Variants in PZP observed in about 807,000 individuals in gnomAD.
PZP encodes PZP alpha-2-macroglobulin like.
PZP carries 150 observed loss-of-function variants against 179.8 expected under a neutral mutation model. That is an observed-to-expected ratio of 0.83 (90% CI 0.73 to 0.96). PZP has a LOEUF of 0.96. Among genes scored for constraint, PZP ranks in the 40% least tolerant of loss-of-function variants. The pLI is 0.00. For missense variants in PZP, 1,689 were observed against 1,764.0 expected, an observed-to-expected ratio of 0.96 and a Z score of 0.76; for synonymous variants, 624 against 652.3, an observed-to-expected ratio of 0.96 and a Z score of 0.66.
In PZP at chr12:9,163,776, G is replaced by A; in HGVS notation, c.2628C>T (p.Phe876=). 1 of 1,612,182 alleles carries A rather than the reference G, an allele frequency of 6.2e-7. No individual in the cohort carries two copies. The highest frequency in any genetic ancestry group is 1.7e-4 in the Middle Eastern group (1 of 6,048). Residue 876 remains phenylalanine (F), a synonymous_variant, in exon 21 of 36, where the codon TTC becomes TTT. Coordinates refer to ENST00000261336, the MANE Select transcript of PZP (RefSeq NM_002864.3). Reference sequence around the variant, plus strand: ...ACTGCATTGCCTCTGCACTCACTGAGAAGTTCACATTCCCTAAAACAAGGA... The same window carrying A: ...ACTGCATTGCCTCTGCACTCACTGAAAAGTTCACATTCCCTAAAACAAGGA... ...VTPKTLGNVN[F]SVSAEAMQSL...
At chr12:9,163,565 GA>G in intron 21 of PZP, 102 bp downstream of exon 21, 1 of 1,300,436 alleles carries the variant, frequency 7.7e-7, no homozygotes, top group Non-Finnish European at 1.1e-6. Context: ...AGTCTTACAG[GA>G]TGTATTGTGT....
At chr12:9,185,414 T>A (rs1044825817) in intron 13 of PZP, among the ~76,000 whole-genome samples, 5 of 152,198 alleles carry the variant, frequency 3.3e-5, no homozygotes, top group African/African-American at 1.2e-4. Context: ...ACAAAACCTC[T>A]GAGAAATCTG....
At chr12:9,166,426 T>G (rs1941590862) in intron 17 of PZP, among the ~76,000 whole-genome samples, 1 of 152,154 alleles carries the variant, frequency 6.6e-6, no homozygotes, top group Non-Finnish European at 1.5e-5. Context: ...CATAGCATAA[T>G]TTGATGTGAA....
chr12:9,160,248 A>C (rs1435735176), intron 24 of PZP, 66 bp downstream of exon 24: 3 of 1,414,882 alleles, frequency 2.1e-6, no homozygotes, highest in African/African-American at 1.4e-5. Context: ...TTGATGATAT[A>C]ACTGAAGCTT....
chr12:9,203,916 G>C lies in PZP; in HGVS notation c.119C>G (p.Thr40Ser), dbSNP rs773485458. The C allele has an allele frequency of 1.2e-6, 2 of 1,614,020 alleles. No individual in the cohort carries two copies. Residue 40 changes from threonine (T) to serine (S), a missense_variant, in exon 2 of 36, where the codon ACT becomes AGT. By Grantham distance (58) the Thr-to-Ser change is moderately conservative. Around this residue, in one of 3 missense-constraint regions of PZP, gnomAD observed 742 missense variants for 730.5 expected, o/e 1.02. Coordinates refer to ENST00000261336, the MANE Select transcript of PZP (RefSeq NM_002864.3). ...GACACAGCCCTTCTTAGGGGCCTCA[G>C]TGTGGAGCAGGGAGGGGACCAGCAC... ...YMVLVPSLLH[T>S]EAPKKGCVLL...
intron 21 of PZP, among the ~76,000 whole-genome samples, chr12:9,163,385 A>G (rs1941357308): frequency 6.6e-6 from 1 of 151,674 alleles, no homozygotes; most frequent in African/African-American, 2.4e-5. Flanking sequence ...CCCGGGAGGC[A>G]GAGCTTTCAG....
intron 18 of PZP, among the ~76,000 whole-genome samples, chr12:9,165,833 T>A (rs1031168002): frequency 6.6e-6 from 1 of 152,208 alleles, no homozygotes; most frequent in Non-Finnish European, 1.5e-5. Flanking sequence ...ATGTCTACTA[T>A]TTGACAGTAT....
chr12:9,160,705 G>C (rs1477907171), intron 23 of PZP, among the ~76,000 whole-genome samples: 7 of 152,114 alleles, frequency 4.6e-5, no homozygotes, highest in Admixed American at 4.6e-4. Context: ...ATGAGGTCAG[G>C]ATATCGAGAC....
chr12:9,158,233 G>A (rs567515672), intron 26 of PZP, among the ~76,000 whole-genome samples, 187 bp downstream of exon 26: 7 of 152,304 alleles, frequency 4.6e-5, no homozygotes, highest in Admixed American at 6.5e-5. Flanking sequence ...GTGATTCTAC[G>A]TGTGATCCAC....
rs1482216464 is a variant in PZP at position 9,170,511 on chromosome 12, C to T, written c.1840-920G>A. ...CATCATCCTGTGGACCCCACTTCCA[C>T]AGCACCTCACAGGTTAAGACTCACT... is the stretch of plus-strand genomic sequence containing the variant. On this transcript the variant is annotated intron_variant, in intron 15 of 35. Coordinates refer to ENST00000261336, the MANE Select transcript of PZP (RefSeq NM_002864.3). This position sits in a 1 kb window ranked among gnomAD's most constrained non-coding sequence, Gnocchi z 4.6. Among the ~76,000 whole-genome samples the T allele has an allele frequency of 6.6e-6, 1 of 152,200 alleles. No homozygotes were observed. Among genetic ancestry groups the T allele is most frequent in the African/African-American group, 2.4e-5 (1 of 41,438 alleles).
intron 35 of PZP, among the ~76,000 whole-genome samples, chr12:9,149,250 G>T (rs1280154515): frequency 1.3e-5 from 2 of 152,200 alleles, no homozygotes; most frequent in African/African-American, 4.8e-5. Flanking sequence ...GGCTAGATTT[G>T]GTTTTAGGTG....
intron 11 of PZP, among the ~76,000 whole-genome samples, chr12:9,193,673 A>T (rs976106184): frequency 6.6e-6 from 1 of 152,196 alleles, no homozygotes; most frequent in Non-Finnish European, 1.5e-5. Flanking sequence ...AAAACTTTTT[A>T]GCTAGGGAAA....
At chr12:9,152,794 A>C in intron 31 of PZP, 30 bp downstream of exon 31, 4 of 1,602,896 alleles carry the variant, frequency 2.5e-6, no homozygotes, top group Non-Finnish European at 3.4e-6. Context: ...TTTTGGGCCA[A>C]AGATAGGTGA....
Position 9,160,316 on chromosome 12 carries a change from G to T in PZP, c.3047C>A (p.Thr1016Asn), listed in dbSNP as rs1256058959. The part of the protein sequence containing the change: ...IKAKAVGYLI[T>N]GYQRQLNYKH... ...AAATTTTTCTCTGTCTCACTTACCA[G>T]TGATGAGATAGCCAACGGCCTTGGC... is the stretch of plus-strand genomic sequence containing the variant. The change falls in exon 24 of 36, where the codon ACT (threonine) becomes AAT (asparagine). Residue 1016 changes from threonine (T) to asparagine (N), a missense_variant and splice_region_variant. This residue lies in a region of PZP where 746 missense variants were observed against 749.2 expected (regional missense o/e 1.00). Coordinates refer to ENST00000261336, the MANE Select transcript of PZP (RefSeq NM_002864.3). 1 of 1,609,210 alleles carries T rather than the reference G, an allele frequency of 6.2e-7. No homozygotes were observed. The highest frequency in any genetic ancestry group is 2.2e-5 in the East Asian group (1 of 44,838).
At chr12:9,184,439 T>A (rs1407283213) in intron 13 of PZP, among the ~76,000 whole-genome samples, 2 of 152,242 alleles carry the variant, frequency 1.3e-5, no homozygotes, top group African/African-American at 4.8e-5. Flanking sequence ...TGCAAATGCA[T>A]GCACAGTTGC....
At chr12:9,193,968 A>G in intron 11 of PZP, 109 bp downstream of exon 11, 1 of 1,085,248 alleles carries the variant, frequency 9.2e-7, no homozygotes, top group Non-Finnish European at 1.3e-6. Context: ...ACTCAAAGTT[A>G]GATATCTTCT....
intron 10 of PZP, among the ~76,000 whole-genome samples, chr12:9,194,458 G>A (rs1257578149): frequency 7.2e-6 from 1 of 139,346 alleles, no homozygotes; most frequent in East Asian, 2.2e-4. Flanking sequence ...AGTAAAGTCA[G>A]GGAGTTTTTT....
intron 13 of PZP, among the ~76,000 whole-genome samples, chr12:9,184,837 A>G (rs972771402): frequency 6.6e-6 from 1 of 152,166 alleles, no homozygotes; most frequent in Non-Finnish European, 1.5e-5. Context: ...ACTGCCCCCA[A>G]ATCTTCTGGT....
intron 13 of PZP, among the ~76,000 whole-genome samples, chr12:9,183,148 C>T (rs760331331): frequency 1.3e-5 from 2 of 151,968 alleles, no homozygotes; most frequent in Non-Finnish European, 2.9e-5. Context: ...AAGTCTAATA[C>T]CCTTAGGAAT....
Sources: allele counts gnomAD v4.1 joint callset (sites outside exome capture counted in the v4.1 genomes callset), GRCh38; gene constraint gnomAD v4.1.1; regional missense constraint gnomAD v4.1.1; non-coding constraint Gnocchi (gnomAD v3.1); transcripts MANE v1.5; gene names NCBI Gene and HGNC (gene_info 2026-07-23, HGNC 2026-07-21).